The following BLTP3A variants were observed in gnomAD, a reference collection of about 807,000 sequenced individuals.
BLTP3A encodes bridge-like lipid transfer protein family member 3A, also known as ICBP90 binding protein 1.
At chr6:34,796,092 G>A in the BLTP3A span, among the ~76,000 whole-genome samples, 4 of 152,148 alleles carry the variant, frequency 2.6e-5, no homozygotes, top group East Asian at 1.9e-4. Context: ...AGAGAGAGAC[G>A]GGAAGGCATA....
the BLTP3A span, among the ~76,000 whole-genome samples, chr6:34,860,676 C>G: frequency 2.0e-5 from 3 of 152,074 alleles, no homozygotes; most frequent in Non-Finnish European, 4.4e-5. Context: ...AATATCAATC[C>G]CCATCTCACA....
chr6:34,868,314 A>G, the BLTP3A span, among the ~76,000 whole-genome samples: 1 of 149,646 alleles, frequency 6.7e-6, no homozygotes, highest in African/African-American at 2.5e-5. Context: ...CTCAAAAAAT[A>G]TATATATATA....
At chr6:34,818,989 T>A in the BLTP3A span, among the ~76,000 whole-genome samples, 6 of 152,150 alleles carry the variant, frequency 3.9e-5, no homozygotes, top group African/African-American at 1.4e-4. Flanking sequence ...TATATAGATA[T>A]GTAACTCTAA....
chr6:34,836,837 G>A, the BLTP3A span, among the ~76,000 whole-genome samples: 1 of 152,112 alleles, frequency 6.6e-6, no homozygotes, highest in Non-Finnish European at 1.5e-5. Context: ...TTGTAATCTC[G>A]ACATACTTAG....
chr6:34,865,266 C>A, the BLTP3A span, among the ~76,000 whole-genome samples: 3 of 152,184 alleles, frequency 2.0e-5, no homozygotes, highest in Non-Finnish European at 4.4e-5. Context: ...GTTTTACATT[C>A]CATGTGTAAG....
At chr6:34,830,397 G>A in the BLTP3A span, among the ~76,000 whole-genome samples, 1 of 151,544 alleles carries the variant, frequency 6.6e-6, no homozygotes, top group Non-Finnish European at 1.5e-5. Context: ...GACCAGCCTG[G>A]CCAACATGGT....
the BLTP3A span, among the ~76,000 whole-genome samples, chr6:34,816,268 T>C: frequency 2.6e-5 from 4 of 152,278 alleles, no homozygotes; most frequent in Non-Finnish European, 2.9e-5. Context: ...TTTCTCTTTT[T>C]TCAGAGAAGT....
the BLTP3A span, among the ~76,000 whole-genome samples, chr6:34,846,347 G>A: frequency 6.6e-6 from 1 of 151,896 alleles, no homozygotes; most frequent in Non-Finnish European, 1.5e-5. Flanking sequence ...GTTTCACCAT[G>A]TTGGCCAGGC....
chr6:34,798,391 T>A, the BLTP3A span, among the ~76,000 whole-genome samples: 2 of 152,170 alleles, frequency 1.3e-5, no homozygotes, highest in South Asian at 4.1e-4. Flanking sequence ...GCATTTCTGT[T>A]GGGAATATAT....
chr6:34,793,288 A>G, the BLTP3A span, among the ~76,000 whole-genome samples: 3 of 152,176 alleles, frequency 2.0e-5, no homozygotes, highest in Non-Finnish European at 4.4e-5. Flanking sequence ...TCCTTATTCC[A>G]TGCTGGAGTT....
chr6:34,845,562 G>A, the BLTP3A span, among the ~76,000 whole-genome samples: 1 of 151,954 alleles, frequency 6.6e-6, no homozygotes, highest in Non-Finnish European at 1.5e-5. Context: ...GGGACTATAA[G>A]TGCACACCAC....
At chr6:34,845,787 C>T in the BLTP3A span, among the ~76,000 whole-genome samples, 7 of 151,682 alleles carry the variant, frequency 4.6e-5, no homozygotes, top group African/African-American at 9.7e-5. Flanking sequence ...TTAGTAGAGA[C>T]GGGGTTTCAG....
chr6:34,796,018 A>G, the BLTP3A span, among the ~76,000 whole-genome samples: 1 of 152,220 alleles, frequency 6.6e-6, no homozygotes, highest in Admixed American at 6.5e-5. Context: ...AGTCTTTACC[A>G]CATACAGGCT....
At chr6:34,832,584 C>T in the BLTP3A span, among the ~76,000 whole-genome samples, 5 of 151,930 alleles carry the variant, frequency 3.3e-5, no homozygotes, top group Non-Finnish European at 7.4e-5. Flanking sequence ...TACAGGCATG[C>T]ACCACCACGA....
At chr6:34,821,428 C>A in the BLTP3A span, 13 of 388,506 alleles carry the variant, frequency 3.3e-5, no homozygotes, top group South Asian at 2.2e-4. Context: ...ATGGTGTGGT[C>A]TGAGTGCATT....
the BLTP3A span, among the ~76,000 whole-genome samples, chr6:34,805,222 A>C: frequency 6.6e-6 from 1 of 152,162 alleles, no homozygotes; most frequent in Non-Finnish European, 1.5e-5. Context: ...TCGAGGCTTC[A>C]GTGAACCGTG....
chr6:34,828,211 G>A, the BLTP3A span, among the ~76,000 whole-genome samples: 8 of 151,796 alleles, frequency 5.3e-5, no homozygotes, highest in African/African-American at 1.9e-4. Context: ...CCAGCAGTTT[G>A]GGAGGCTGAG....
the BLTP3A span, among the ~76,000 whole-genome samples, chr6:34,832,183 G>C: frequency 6.7e-6 from 1 of 148,354 alleles, no homozygotes; most frequent in Admixed American, 6.8e-5. Context: ...GCAGTGTCAC[G>C]ATCACAGCTC....
At chr6:34,874,828 A>G in the BLTP3A span, 1 of 152,254 alleles carries the variant, frequency 6.6e-6, no homozygotes, top group Non-Finnish European at 1.5e-5. Flanking sequence ...TCTTGATCGG[A>G]TTATCTGTGT....
Sources: gnomAD v4.1 joint callset for allele counts (sites outside exome capture counted in the v4.1 genomes callset) on GRCh38, gnomAD v4.1.1 for gene constraint, MANE v1.5 for transcripts, NCBI Gene and HGNC (gene_info 2026-07-23, HGNC 2026-07-21) for gene names.